Variants in GPRC5B observed in about 807,000 individuals in gnomAD.
GPRC5B encodes the protein G protein-coupled receptor class C group 5 member B, also known as G protein-coupled receptor family C group 5 member B.
In GPRC5B, 16 loss-of-function variants were observed where a neutral mutation model predicts 30.1. The observed-to-expected ratio is 0.53, with a 90% CI of 0.36 to 0.81. GPRC5B has a LOEUF of 0.81. GPRC5B is among the 30% of genes least tolerant of loss of function. The pLI, the probability that GPRC5B is intolerant of heterozygous loss-of-function variation, is 0.01. For missense variants in GPRC5B, 428 were observed against 544.7 expected (o/e 0.79, Z 2.13); for synonymous variants, 241 against 239.5 (o/e 1.01, Z -0.06).
At chr16:19,885,386 C>A, upstream of GPRC5B, 1 of 1,171,634 alleles carries the variant, frequency 8.5e-7, no homozygotes, top group South Asian at 1.5e-5. The surrounding 1 kb of genome is among the most constrained non-coding windows in gnomAD (Gnocchi z 5.3). Context: ...TACACCTAGG[C>A]GCACACACAC....
chr16:19,861,928 G>T lies in GPRC5B; in HGVS notation c.1076C>A (p.Pro359His), dbSNP rs778323081. 6.2e-6 allele frequency: 10 copies of T among 1,613,460 alleles called. No individual in the cohort carries two copies. Among genetic ancestry groups the T allele is most frequent in the Non-Finnish European group, 8.5e-6 (10 of 1,179,650 alleles). Reference protein sequence around the residue: ...GFPNGSLGKRPSGSLGKRPSA... With the variant: ...GFPNGSLGKRHSGSLGKRPSA... ...GGGTCTTTTCCCCAAGCTGCCACTG[G>T]GTCTTTTTCCCAAGCTGCCGTTGGG... Residue 359 changes from proline to histidine, a missense_variant, in exon 3 of 4, where the codon CCC (proline) becomes CAC (histidine). By Grantham distance (77) the Pro-to-His change is moderately conservative. This residue lies in a region of GPRC5B where 213 missense variants were observed against 229.1 expected (regional missense o/e 0.93). Transcript: ENST00000300571.
At position 19,872,771 on chromosome 16, in the gene GPRC5B, C is replaced by G; in HGVS notation, c.75G>C (p.Ser25=). The G allele has an allele frequency of 6.2e-7, 1 of 1,613,592 alleles. No individual in the cohort carries two copies. The highest frequency in any genetic ancestry group is 8.5e-7 in the Non-Finnish European group (1 of 1,179,872). Residue 25 remains serine (S), a synonymous_variant, in exon 2 of 4, where the codon TCG becomes TCC. Coordinates refer to ENST00000300571, the MANE Select transcript of GPRC5B (RefSeq NM_016235.3). This position sits in a 1 kb window ranked among gnomAD's most constrained non-coding sequence, Gnocchi z 5.0. ...ATGTGCTGGCGTTTTCAGAGGCCAC[C>G]GAGGTGATCACGAAGAGCAGGAGGA... ...LTFLLLFVIT[S]VASENASTSR...
At chr16:19,885,262 G>A (rs769876217), upstream of GPRC5B, 1 of 1,285,620 alleles carries the variant, frequency 7.8e-7, no homozygotes, top group Non-Finnish European at 1.0e-6. The surrounding 1 kb of genome is among the most constrained non-coding windows in gnomAD (Gnocchi z 5.3). Flanking sequence ...CCCAGGCCAC[G>A]CTCCAAGGGG....
At chr16:19,864,957 T>C (rs925958949) in intron 2 of GPRC5B, among the ~76,000 whole-genome samples, 4 of 141,862 alleles carry the variant, frequency 2.8e-5, no homozygotes, top group African/African-American at 1.1e-4. Flanking sequence ...CAGGCTGGGG[T>C]ACAGTGGTGT....
In GPRC5B at chr16:19,858,711, T is replaced by C; in HGVS notation, c.*1789A>G. 2.2e-6 allele frequency: 1 copy of C among 458,866 alleles called. No homozygotes were observed. The highest frequency in any genetic ancestry group is 3.3e-5 in the East Asian group (1 of 29,866). 28.4% of individuals were successfully genotyped at this position (458,866 alleles called of 1,614,324 possible). A position where few individuals can be genotyped will look rare whatever the true frequency, so the allele number is the denominator to read the frequency against. Reference sequence around the variant, plus strand: ...CCCTCCCCAGGACTCTTACGTTTTCTGTCCACGCAATGACTGGAACGGGAT... The same window carrying C: ...CCCTCCCCAGGACTCTTACGTTTTCCGTCCACGCAATGACTGGAACGGGAT... On this transcript the variant is annotated 3_prime_UTR_variant, in exon 4 of 4. Transcript: ENST00000300571.
chr16:19,869,427 T>A (rs148879845), intron 2 of GPRC5B, among the ~76,000 whole-genome samples: 1 of 151,982 alleles, frequency 6.6e-6, no homozygotes, highest in Non-Finnish European at 1.5e-5. Context: ...TTATTATTAT[T>A]AATGTTGTAG....
upstream of GPRC5B, chr16:19,885,075 A>T: frequency 1.3e-6 from 1 of 744,908 alleles, no homozygotes; most frequent in South Asian, 1.5e-5. This position sits in a 1 kb window ranked among gnomAD's most constrained non-coding sequence, Gnocchi z 5.3. Flanking sequence ...GATTCCCCCG[A>T]CCTCGTGCCC....
Position 19,858,696 on chromosome 16 carries a change from G to A in GPRC5B, c.*1804C>T. On this transcript the variant is annotated 3_prime_UTR_variant, in exon 4 of 4. Transcript: ENST00000300571. ...TTCATTCCCTCCCACCCCTCCCCAG[G>A]ACTCTTACGTTTTCTGTCCACGCAA... The A allele has an allele frequency of 8.6e-6, 4 of 463,300 alleles. No homozygotes were observed. 28.7% of individuals were successfully genotyped at this position (463,300 alleles called of 1,614,324 possible).
At chr16:19,882,014 T>G (rs923549724) in intron 1 of GPRC5B, 1 of 152,266 alleles carries the variant, frequency 6.6e-6, no homozygotes, top group African/African-American at 2.4e-5. Flanking sequence ...CCCAGCATCA[T>G]AGTCTGTCCC....
At chr16:19,878,573 C>T (rs948129085) in intron 1 of GPRC5B, among the ~76,000 whole-genome samples, 2 of 152,238 alleles carry the variant, frequency 1.3e-5, no homozygotes, top group South Asian at 4.1e-4. Flanking sequence ...GGATTACAGG[C>T]GTGAGCCACC....
At chr16:19,884,889 G>T (rs984492667), upstream of GPRC5B, 12 of 937,290 alleles carry the variant, frequency 1.3e-5, no homozygotes, top group Non-Finnish European at 1.4e-5. Context: ...CCCCTGGCCC[G>T]GCCCGCGCTG....
At chr16:19,862,920 T>A (rs1439433047) in intron 2 of GPRC5B, among the ~76,000 whole-genome samples, 1 of 152,106 alleles carries the variant, frequency 6.6e-6, no homozygotes, top group Non-Finnish European at 1.5e-5. Context: ...ACACAAAAAG[T>A]CTTCCCTGAA....
intron 1 of GPRC5B, among the ~76,000 whole-genome samples, chr16:19,879,120 T>C (rs374219209): frequency 3.9e-5 from 6 of 152,142 alleles, no homozygotes; most frequent in African/African-American, 1.2e-4. Flanking sequence ...CCTGCTAAAT[T>C]AGGCACCTGG....
At chr16:19,860,779 C>G (rs745813888) in intron 3 of GPRC5B, among the ~76,000 whole-genome samples, 48 of 152,268 alleles carry the variant, frequency 3.2e-4, no homozygotes, top group Non-Finnish European at 6.2e-4. Context: ...TCAACTCATT[C>G]ACTTTCAGTC....
intron 3 of GPRC5B, among the ~76,000 whole-genome samples, chr16:19,860,755 T>G (rs781257504): frequency 5.3e-5 from 8 of 152,206 alleles, no homozygotes; most frequent in Admixed American, 2.6e-4. Context: ...CATCCACCCG[T>G]AAGGAATGTA....
In GPRC5B at chr16:19,858,596, G is replaced by GC; in HGVS notation, c.*1903_*1904insG. On this transcript the variant is annotated 3_prime_UTR_variant, in exon 4 of 4. Transcript: ENST00000300571. ...CGTTTTTTCACCGGACAGGACCGAGGTGTTTGAAGATTTCTTTCTTTTCAG... is the reference window on the plus strand; with the variant it reads ...CGTTTTTTCACCGGACAGGACCGAGGCTGTTTGAAGATTTCTTTCTTTTCAG... 1.7e-6 allele frequency: 1 copy of GC among 603,458 alleles called. No individual in the cohort carries two copies. The highest frequency in any genetic ancestry group is 1.9e-5 in the South Asian group (1 of 51,642). 37.4% of individuals were successfully genotyped at this position (603,458 alleles called of 1,614,324 possible).
intron 2 of GPRC5B, among the ~76,000 whole-genome samples, chr16:19,867,972 CAGG>C (rs1414183913): frequency 6.6e-6 from 1 of 152,180 alleles, no homozygotes; most frequent in Non-Finnish European, 1.5e-5. Flanking sequence ...GAGGCTGAGG[CAGG>C]AGAATCGCTT....
At chr16:19,879,773 G>A (rs373026474) in intron 1 of GPRC5B, among the ~76,000 whole-genome samples, 13 of 152,130 alleles carry the variant, frequency 8.5e-5, no homozygotes, top group African/African-American at 1.9e-4. Flanking sequence ...TTGCGGTGAC[G>A]GTTAAAATAA....
chr16:19,883,812 C>G (rs533958361), intron 1 of GPRC5B, among the ~76,000 whole-genome samples: 3 of 152,366 alleles, frequency 2.0e-5, no homozygotes, highest in South Asian at 2.1e-4. Flanking sequence ...GGAGTGAACC[C>G]GCTGCACGGG....
Sources: allele counts gnomAD v4.1 joint callset (sites outside exome capture counted in the v4.1 genomes callset), GRCh38; gene constraint gnomAD v4.1.1; regional missense constraint gnomAD v4.1.1; non-coding constraint Gnocchi (gnomAD v3.1); transcripts MANE v1.5; gene names NCBI Gene and HGNC (gene_info 2026-07-23, HGNC 2026-07-21).